Variants in PTPRT observed in about 807,000 individuals in gnomAD.
The protein encoded by PTPRT is protein tyrosine phosphatase receptor type T.
A neutral mutation model predicts 176.8 loss-of-function variants in PTPRT; 56 were observed. The observed-to-expected ratio is 0.32, with a 90% CI of 0.26 to 0.40. The LOEUF (loss-of-function observed/expected upper bound fraction) is 0.40, where lower values mean the gene tolerates loss of function less well. PTPRT is among the 10% of genes least tolerant of loss of function. The pLI is 1.00. For missense variants in PTPRT, 1,540 were observed against 1,908.2 expected, an observed-to-expected ratio of 0.81 and a Z score of 3.60; for synonymous variants, 783 against 739.0, an observed-to-expected ratio of 1.06 and a Z score of -0.96.
At chr20:43,122,410 G>T (rs376048734) in intron 1 of PTPRT, among the ~76,000 whole-genome samples, 1 of 152,198 alleles carries the variant, frequency 6.6e-6, no homozygotes, top group Non-Finnish European at 1.5e-5. Context: ...AGAAAGGCCT[G>T]TCCACAAACA....
intron 7 of PTPRT, among the ~76,000 whole-genome samples, chr20:42,579,536 G>C (rs1601312011): frequency 6.6e-6 from 1 of 152,242 alleles, no homozygotes; most frequent in East Asian, 1.9e-4. Context: ...CAGTGAAAAA[G>C]TGTTCCTATT....
intron 2 of PTPRT, among the ~76,000 whole-genome samples, chr20:42,848,840 GT>G (rs2078421875): frequency 6.6e-6 from 1 of 152,054 alleles, no homozygotes; most frequent in Admixed American, 6.6e-5. Flanking sequence ...ATTTATCTTT[GT>G]TTTTGTCGAA....
intron 6 of PTPRT, among the ~76,000 whole-genome samples, chr20:42,698,141 G>A (rs6072833): frequency 0.36 from 54,211 of 151,926 alleles, 10,497 homozygotes; most frequent in African/African-American, 0.51. Flanking sequence ...AACTTTGATT[G>A]TATGTTCCTA....
rs1176393671 is a variant in PTPRT at position 43,083,341 on chromosome 20, T to TACATATATATATATATATAC, written c.88+106304_88+106305insGTATATATATATATATATGT. Among the ~76,000 whole-genome samples, 23 of 40,672 alleles carry TACATATATATATATATATAC rather than the reference T, an allele frequency of 5.7e-4. No individual in the cohort carries two copies. The South Asian group carries it at 6.7e-3, about 12-fold the overall frequency. 26.7% of individuals were successfully genotyped at this position (40,672 alleles called of 152,430 possible). ...AAATGTATATATATATATATATATA[T>TACATATATATATATATATAC]ATATATATATATATATATATATATA... On this transcript the variant is annotated intron_variant, in intron 1 of 30. Coordinates refer to ENST00000373187, the MANE Select transcript of PTPRT (RefSeq NM_007050.6).
intron 9 of PTPRT, among the ~76,000 whole-genome samples, chr20:42,386,292 G>A (rs764121968): frequency 6.6e-6 from 1 of 152,090 alleles, no homozygotes; most frequent in African/African-American, 2.4e-5. Flanking sequence ...AGAGTGACAG[G>A]GTTAGATTTT....
At chr20:42,559,827 A>G (rs2072921006) in intron 7 of PTPRT, among the ~76,000 whole-genome samples, 1 of 152,218 alleles carries the variant, frequency 6.6e-6, no homozygotes, top group African/African-American at 2.4e-5. Flanking sequence ...TTTAAAGTTC[A>G]TTGTGCTAGA....
chr20:42,947,349 A>G (rs555136287), intron 1 of PTPRT, among the ~76,000 whole-genome samples: 1 of 152,224 alleles, frequency 6.6e-6, no homozygotes, highest in East Asian at 1.9e-4. Flanking sequence ...ATGCTGCCCA[A>G]CCTTCCCCCA....
chr20:43,017,483 G>C (rs902057422), intron 1 of PTPRT, among the ~76,000 whole-genome samples: 4 of 152,154 alleles, frequency 2.6e-5, no homozygotes, highest in Non-Finnish European at 5.9e-5. Flanking sequence ...CCTTGTCCCT[G>C]TTATGTCTGT....
At chr20:42,270,544 C>A (rs2056917026) in intron 13 of PTPRT, 1 of 1,150,582 alleles carries the variant, frequency 8.7e-7, no homozygotes. Context: ...GTGAACAAAA[C>A]TGCAATTCTT....
chr20:42,528,247 A>T (rs1164829643), intron 7 of PTPRT, among the ~76,000 whole-genome samples: 1 of 151,996 alleles, frequency 6.6e-6, no homozygotes, highest in Non-Finnish European at 1.5e-5. Flanking sequence ...CTCAAATTTC[A>T]TTTATTTGGG....
chr20:42,951,622 T>C (rs1981256921), intron 1 of PTPRT, among the ~76,000 whole-genome samples: 3 of 152,108 alleles, frequency 2.0e-5, no homozygotes, highest in Non-Finnish European at 4.4e-5. Context: ...AAGTAGTAAA[T>C]AGATTAAAGG....
intron 2 of PTPRT, among the ~76,000 whole-genome samples, chr20:42,860,514 C>T (rs1458181788): frequency 1.3e-5 from 2 of 152,184 alleles, no homozygotes; most frequent in Non-Finnish European, 2.9e-5. Flanking sequence ...GCCTTCCCAT[C>T]CAGAAATGAA....
chr20:42,641,164 T>C (rs1232756220), intron 7 of PTPRT, among the ~76,000 whole-genome samples: 1 of 152,190 alleles, frequency 6.6e-6, no homozygotes, highest in African/African-American at 2.4e-5. Context: ...GAATTAATTC[T>C]TTAGGATAAT....
intron 1 of PTPRT, among the ~76,000 whole-genome samples, chr20:43,126,929 G>A (rs1360432847): frequency 1.3e-5 from 2 of 152,108 alleles, no homozygotes; most frequent in Admixed American, 6.5e-5. Flanking sequence ...AAGCAACATC[G>A]AAACGGAATC....
intron 7 of PTPRT, among the ~76,000 whole-genome samples, chr20:42,544,593 C>T (rs6072784): frequency 0.51 from 77,390 of 151,782 alleles, 20,047 homozygotes; most frequent in African/African-American, 0.6. Context: ...CACTGTATGC[C>T]AGACTTTGGG....
At chr20:42,884,061 T>C (rs1224036306) in intron 2 of PTPRT, among the ~76,000 whole-genome samples, 1 of 151,826 alleles carries the variant, frequency 6.6e-6, no homozygotes, top group Non-Finnish European at 1.5e-5. Context: ...GCAGATGTGC[T>C]ATGTTTAAGC....
chr20:42,221,498 C>A (rs924166675), intron 15 of PTPRT, among the ~76,000 whole-genome samples: 2 of 151,058 alleles, frequency 1.3e-5, no homozygotes, highest in Admixed American at 1.3e-4. Context: ...TACATGGTGG[C>A]AGGAGAGAGA....
chr20:42,289,852 T>C (rs910500259), intron 12 of PTPRT, among the ~76,000 whole-genome samples: 5 of 152,118 alleles, frequency 3.3e-5, no homozygotes, highest in African/African-American at 1.2e-4. Flanking sequence ...ATCTAGAGTG[T>C]ATATACGATT....
intron 27 of PTPRT, among the ~76,000 whole-genome samples, chr20:42,097,339 G>A (rs140329707): frequency 6.6e-6 from 1 of 152,154 alleles, no homozygotes; most frequent in African/African-American, 2.4e-5. Flanking sequence ...CCGCAAATAA[G>A]TCTGTGTATA....
Sources: gnomAD v4.1 joint callset for allele counts (sites outside exome capture counted in the v4.1 genomes callset) on GRCh38, gnomAD v4.1.1 for gene constraint, MANE v1.5 for transcripts, NCBI Gene and HGNC (gene_info 2026-07-23, HGNC 2026-07-21) for gene names.